ZNF3: variants seen among roughly 807,000 people sequenced by gnomAD.
ZNF3 encodes the protein C2-H2 type zinc finger protein.
ZNF3 carries 16 observed loss-of-function variants against 36.9 expected under a neutral mutation model. The observed-to-expected ratio is 0.43, with a 90% CI of 0.29 to 0.66. The LOEUF is 0.66. Among genes scored for constraint, ZNF3 ranks in the 30% least tolerant of loss-of-function variants. ZNF3 has a pLI of 0.13. For missense variants in ZNF3, 462 were observed against 543.1 expected (o/e 0.85, Z 1.48); for synonymous variants, 201 against 201.9 (o/e 1.00, Z 0.04).
rs1331984702 is a variant in ZNF3, at chr7:100,075,184, G to A, written c.222C>T (p.Asp74=). 6.2e-7 allele frequency: 1 copy of A among 1,614,042 alleles called. No individual in the cohort carries two copies. The highest frequency in any genetic ancestry group is 1.3e-5 in the African/African-American group (1 of 74,926). Residue 74 remains aspartate, a synonymous_variant, in exon 5 of 6, where the codon GAC becomes GAT. Transcript: ENST00000299667. The part of the protein sequence containing the change: ...EWKRLEPAQR[D]LYRDVMLENY... ...TCTCCAGCATCACATCTCTATAGAG[G>A]TCCCTCTGAGCAGGTTCCAAACGCT... is the stretch of plus-strand genomic sequence containing the variant.
intron 5 of ZNF3, chr7:100,064,919 A>T: frequency 6.2e-7 from 1 of 1,612,878 alleles, no homozygotes; most frequent in Non-Finnish European, 8.5e-7. Flanking sequence ...CAGTCTAGTT[A>T]AGGAAGAAAC....
intron 3 of ZNF3, 56 bp from the exon 4 acceptor site, chr7:100,075,686 C>A: frequency 6.4e-7 from 1 of 1,562,254 alleles, no homozygotes; most frequent in Non-Finnish European, 8.8e-7. Context: ...GACCTCCCAA[C>A]CTGCTGACTT....
exon 6 of ZNF3, chr7:100,064,096 G>A (rs1792498212): frequency 6.2e-7 from 1 of 1,614,046 alleles, no homozygotes; most frequent in South Asian, 1.1e-5. Context: ...AACACACACT[G>A]GGGAGAAACC....
chr7:100,068,326 C>T (rs867737372), downstream of ZNF3, among the ~76,000 whole-genome samples: 4 of 151,990 alleles, frequency 2.6e-5, no homozygotes, highest in South Asian at 6.2e-4. Context: ...GTGATCCGCC[C>T]GCCTTGGCCT....
chr7:100,066,720 CAGTG>C (rs1562854346), downstream of ZNF3, among the ~76,000 whole-genome samples: 1 of 142,888 alleles, frequency 7.0e-6, no homozygotes, highest in African/African-American at 2.6e-5. Flanking sequence ...CTGGGCAACA[CAGTG>C]AGACTCCATC....
At chr7:100,069,850 T>A (rs1792862332), downstream of ZNF3, 2 of 735,104 alleles carry the variant, frequency 2.7e-6, no homozygotes, top group Non-Finnish European at 3.3e-6. Flanking sequence ...AGACCTCAGG[T>A]GATCTGCCTG....
exon 6 of ZNF3, chr7:100,064,596 T>C: frequency 6.2e-7 from 1 of 1,613,978 alleles, no homozygotes. Flanking sequence ...GAGTCCACAC[T>C]GGAGAGGGAG....
chr7:100,071,170 G>A lies in ZNF3; in HGVS notation c.1314C>T (p.Thr438=), dbSNP rs766730751. ...GMSKSSLRVT[T]ELNIREST ...ACGTGGACTCTCTGATATTTAACTC[G>A]GTCGTAACTCTGAGGGAGCTTTTGC... Residue 438 remains threonine (T), a synonymous_variant, in exon 6 of 6, where the codon ACC becomes ACT. Coordinates refer to ENST00000299667, the MANE Select transcript of ZNF3 (RefSeq NM_032924.5). 4.9e-5 allele frequency: 78 copies of A among 1,600,406 alleles called. No individual in the cohort carries two copies. Among genetic ancestry groups the A allele is most frequent in the Non-Finnish European group, 5.6e-5 (66 of 1,172,348 alleles).
intron 3 of ZNF3, among the ~76,000 whole-genome samples, chr7:100,076,339 C>T (rs1395254555): frequency 6.6e-6 from 1 of 151,784 alleles, no homozygotes; most frequent in African/African-American, 2.4e-5. Context: ...GTCACCCAGG[C>T]TGGAGTGCAG....
At chr7:100,072,634 T>TG (rs1793386446) in intron 5 of ZNF3, among the ~76,000 whole-genome samples, 1 of 150,066 alleles carries the variant, frequency 6.7e-6, no homozygotes, top group Admixed American at 6.6e-5. Flanking sequence ...GGGGGAAGGG[T>TG]GAGGAGAGAC....
intron 1 of ZNF3, among the ~76,000 whole-genome samples, chr7:100,080,026 AT>A (rs1794739819): frequency 6.6e-6 from 1 of 152,104 alleles, no homozygotes; most frequent in Non-Finnish European, 1.5e-5. Flanking sequence ...TAATCAAGAC[AT>A]TTAAAGAAAA....
At chr7:100,076,446 C>G (rs1172945725) in intron 3 of ZNF3, among the ~76,000 whole-genome samples, 1 of 152,058 alleles carries the variant, frequency 6.6e-6, no homozygotes. Context: ...GTGCGTGCCA[C>G]CATGCCCGGC....
At chr7:100,072,363 G>C (rs771705034) in intron 5 of ZNF3, 151 bp from the exon 6 acceptor site, 2 of 714,022 alleles carry the variant, frequency 2.8e-6, no homozygotes, top group Non-Finnish European at 2.3e-6. Context: ...AAGGCAAAAT[G>C]AGACAGCCGG....
At chr7:100,078,905 A>G (rs528692979) in intron 2 of ZNF3, 2 of 152,228 alleles carry the variant, frequency 1.3e-5, no homozygotes, top group African/African-American at 2.4e-5. Context: ...AGAGGAATGG[A>G]TAAGAGAATG....
At position 100,071,146 on chromosome 7, in the gene ZNF3, C is replaced by T. The variant is rs1793066115; in HGVS notation, c.1338G>A (p.Thr446=). ...VTTELNIRES[T] ...GGAAAATGGGTGTGTGGCTCTTTCA[C>T]GTGGACTCTCTGATATTTAACTCGG... Residue 446 remains threonine, a synonymous_variant, in exon 6 of 6, where the codon ACG becomes ACA. Transcript: ENST00000299667. 4.4e-6 allele frequency: 7 copies of T among 1,579,368 alleles called. No individual in the cohort carries two copies. The highest frequency in any genetic ancestry group is 2.2e-5 in the East Asian group (1 of 44,586).
downstream of ZNF3, among the ~76,000 whole-genome samples, chr7:100,065,558 G>A (rs554358683): frequency 1.4e-3 from 213 of 152,156 alleles, 3 homozygotes; most frequent in Middle Eastern, 6.8e-3. Context: ...GCCACAACTC[G>A]TCGGTTTTTT....
rs943383200 is a variant in ZNF3 at position 100,070,167 on chromosome 7, T to G, written c.*976A>C. Reference sequence around the variant, plus strand: ...TGGGCTTCGTTTTTTTGTTTTTTTGTTTTTTTTTTCTCCCTTTTGGGCTTT... The same window carrying G: ...TGGGCTTCGTTTTTTTGTTTTTTTGGTTTTTTTTTCTCCCTTTTGGGCTTT... On this transcript the variant is annotated 3_prime_UTR_variant, in exon 6 of 6. Transcript: ENST00000299667. 64 of 855,034 alleles carry G rather than the reference T, an allele frequency of 7.5e-5. No individual in the cohort carries two copies. In the Admixed American group the frequency reaches 1.1e-3, roughly 15 times the overall value. 53.0% of individuals were successfully genotyped at this position (855,034 alleles called of 1,614,324 possible). A position where few individuals can be genotyped will look rare whatever the true frequency, so the allele number is the denominator to read the frequency against.
In ZNF3 at chr7:100,070,067, T is replaced by C; in HGVS notation, c.*1076A>G. 4.1e-6 allele frequency: 4 copies of C among 985,590 alleles called. No homozygotes were observed. The South Asian group carries it at 1.9e-4, about 46-fold the overall frequency. 61.1% of individuals were successfully genotyped at this position (985,590 alleles called of 1,614,324 possible). A position where few individuals can be genotyped will look rare whatever the true frequency, so the allele number is the denominator to read the frequency against. On this transcript the variant is annotated 3_prime_UTR_variant, in exon 6 of 6. Transcript: ENST00000299667. Reference sequence around the variant, plus strand: ...CACAATGGAAGGTCATCCCGTCGGTTGGGAAAACTCGGGGAGTGCCATCCT... The same window carrying C: ...CACAATGGAAGGTCATCCCGTCGGTCGGGAAAACTCGGGGAGTGCCATCCT...
At chr7:100,068,619 C>G (rs1792764490), downstream of ZNF3, among the ~76,000 whole-genome samples, 1 of 147,886 alleles carries the variant, frequency 6.8e-6, no homozygotes. Context: ...CCAGCCTGGG[C>G]AAGAGCAAGA....
Sources: gnomAD v4.1 joint callset for allele counts (sites outside exome capture counted in the v4.1 genomes callset) on GRCh38, gnomAD v4.1.1 for gene constraint, MANE v1.5 for transcripts, NCBI Gene and HGNC (gene_info 2026-07-23, HGNC 2026-07-21) for gene names.